MROH1: variants seen among roughly 807,000 people sequenced by gnomAD.
MROH1 encodes the protein maestro heat-like repeat-containing protein family member 1.
Under a neutral mutation model 116.5 loss-of-function variants are expected in MROH1, and 117 were observed. The observed-to-expected ratio is 1.00, with a 90% CI of 0.86 to 1.17. The LOEUF (loss-of-function observed/expected upper bound fraction) is 1.17. MROH1 is among the 50% of genes most tolerant of loss of function. The pLI, the probability that MROH1 is intolerant of heterozygous loss-of-function variation, is 0.00. For missense variants in MROH1, 1,873 were observed against 1,338.5 expected (o/e 1.40, Z -6.23); for synonymous variants, 921 against 583.9 (o/e 1.58, Z -8.32).
At chr8:144,232,117 G>C (rs1588374495) in intron 14 of MROH1, among the ~76,000 whole-genome samples, 2 of 152,220 alleles carry the variant, frequency 1.3e-5, no homozygotes, top group East Asian at 3.9e-4. Context: ...GTAAACTATA[G>C]TCACCCTACT....
intron 7 of MROH1, among the ~76,000 whole-genome samples, chr8:144,185,933 A>G (rs1399496023): frequency 6.6e-6 from 1 of 150,898 alleles, no homozygotes; most frequent in African/African-American, 2.4e-5. Context: ...CGTGGGGACC[A>G]CAAGGGACCA....
intron 14 of MROH1, among the ~76,000 whole-genome samples, chr8:144,228,343 T>C (rs1838201232): frequency 1.3e-5 from 2 of 152,134 alleles, no homozygotes; most frequent in Admixed American, 1.3e-4. Flanking sequence ...GCTAAAAAAA[T>C]TGCTAAGGAT....
chr8:144,170,352 C>T lies in MROH1; in HGVS notation c.168+1912C>T, dbSNP rs1822129523. On this transcript the variant is annotated intron_variant, in intron 4 of 43. Coordinates refer to ENST00000326134, the MANE Select transcript of MROH1 (RefSeq NM_032450.3). ...TTTAAAAAGTCTGCCTTCACAGTTG[C>T]ATATTTACATATTATACACATGCTG... Among the ~76,000 whole-genome samples, 3 of 152,176 alleles carry T rather than the reference C, an allele frequency of 2.0e-5. No homozygotes were observed. In the South Asian group the frequency reaches 6.2e-4, roughly 31 times the overall value.
At chr8:144,244,173 G>C in intron 26 of MROH1, 49 bp from the exon 27 acceptor site, 1 of 712,704 alleles carries the variant, frequency 1.4e-6, no homozygotes, top group Non-Finnish European at 2.6e-6. Flanking sequence ...CTGGGTGTCT[G>C]AGTTTCAGCC....
At position 144,180,151 on chromosome 8, in the gene MROH1, G is replaced by C; in HGVS notation, c.301-27G>C. 6.2e-7 allele frequency: 1 copy of C among 1,612,878 alleles called. No individual in the cohort carries two copies. Among genetic ancestry groups the C allele is most frequent in the Non-Finnish European group, 8.5e-7 (1 of 1,179,172 alleles). Reference sequence around the variant, plus strand: ...CAGAATGTCTTGGTCTTGCCTTTTGGTCTACCTGCCGGTGTTTTGGGTTCA... The same window carrying C: ...CAGAATGTCTTGGTCTTGCCTTTTGCTCTACCTGCCGGTGTTTTGGGTTCA... On this transcript the variant is annotated intron_variant, in intron 5 of 43. Coordinates refer to ENST00000326134, the MANE Select transcript of MROH1 (RefSeq NM_032450.3). This position sits in a 1 kb window ranked among gnomAD's most constrained non-coding sequence, Gnocchi z 7.4.
At chr8:144,244,064 G>C (rs1841467431) in intron 26 of MROH1, 122 bp downstream of exon 26, 1 of 710,758 alleles carries the variant, frequency 1.4e-6, no homozygotes, top group Non-Finnish European at 2.6e-6. Context: ...TTGCGTGTGT[G>C]CACGCCTTGT....
At chr8:144,174,082 A>G (rs1017188416) in intron 4 of MROH1, among the ~76,000 whole-genome samples, 2 of 152,148 alleles carry the variant, frequency 1.3e-5, no homozygotes, top group African/African-American at 4.8e-5. Flanking sequence ...TGAGGAGTGT[A>G]TGCTGATTGG....
At chr8:144,252,979 CAT>C (rs138657169) in intron 33 of MROH1, among the ~76,000 whole-genome samples, 60,557 of 142,406 alleles carry the variant, frequency 0.43, 13,041 homozygotes, top group Non-Finnish European at 0.5. Flanking sequence ...AAATTTATTT[CAT>C]ATATATATAT....
At chr8:144,244,842 G>A (rs1423548350) in intron 28 of MROH1, among the ~76,000 whole-genome samples, 1 of 152,176 alleles carries the variant, frequency 6.6e-6, no homozygotes, top group African/African-American at 2.4e-5. Flanking sequence ...GTGGTGCTAG[G>A]GTGGGGCCGA....
At position 144,244,342 on chromosome 8, in the gene MROH1, C is replaced by T. The variant is rs1841518570; in HGVS notation, c.2670+6C>T. Reference sequence around the variant, plus strand: ...AGGACGGAGGCTGCCAGAAGGTATCCCTGTGTTTCCCTTGCCTGTGTCCAC... The same window carrying T: ...AGGACGGAGGCTGCCAGAAGGTATCTCTGTGTTTCCCTTGCCTGTGTCCAC... On this transcript the variant is annotated splice_donor_region_variant and intron_variant, in intron 27 of 43. Coordinates refer to ENST00000326134, the MANE Select transcript of MROH1 (RefSeq NM_032450.3). 1.4e-6 allele frequency: 1 copy of T among 720,476 alleles called. No homozygotes were observed. The highest frequency in any genetic ancestry group is 2.6e-6 in the Non-Finnish European group (1 of 386,066). 44.6% of individuals were successfully genotyped at this position (720,476 alleles called of 1,614,324 possible).
At chr8:144,183,915 G>A (rs904618085) in intron 7 of MROH1, among the ~76,000 whole-genome samples, 26 of 151,980 alleles carry the variant, frequency 1.7e-4, no homozygotes, top group Admixed American at 1.0e-3. Flanking sequence ...CCAAAGTGCT[G>A]GGATTACAGG....
chr8:144,194,100 T>A (rs2131642210), intron 10 of MROH1, among the ~76,000 whole-genome samples: 1 of 151,338 alleles, frequency 6.6e-6, no homozygotes, highest in East Asian at 2.0e-4. Context: ...TTCGCTCTTG[T>A]TGCCCAGGCT....
chr8:144,254,752 G>C (rs1023806729), intron 33 of MROH1, 61 bp from the exon 34 acceptor site: 491 of 722,742 alleles, frequency 6.8e-4, no homozygotes, highest in Non-Finnish European at 1.0e-3. Context: ...GCACCCAGGT[G>C]GCGGGGGGCA....
At chr8:144,221,238 G>A (rs888406048) in intron 13 of MROH1, among the ~76,000 whole-genome samples, 1 of 152,192 alleles carries the variant, frequency 6.6e-6, no homozygotes, top group African/African-American at 2.4e-5. Flanking sequence ...CTCTGGAGGT[G>A]GAGCTGATGC....
chr8:144,166,646 G>A (rs1820904963), intron 3 of MROH1, among the ~76,000 whole-genome samples: 1 of 152,122 alleles, frequency 6.6e-6, no homozygotes, highest in Non-Finnish European at 1.5e-5. Flanking sequence ...GCCCGGAATG[G>A]CACTGGGGTG....
intron 12 of MROH1, 171 bp downstream of exon 12, chr8:144,200,712 G>A (rs1226004664): frequency 1.6e-6 from 1 of 609,498 alleles, no homozygotes; most frequent in African/African-American, 1.8e-5. Flanking sequence ...AAGTTGCAAG[G>A]GTGGTACCTT....
At chr8:144,198,101 G>A (rs1349789727) in intron 10 of MROH1, among the ~76,000 whole-genome samples, 7 of 151,690 alleles carry the variant, frequency 4.6e-5, no homozygotes, top group Admixed American at 2.0e-4. Flanking sequence ...ACCTGGGAAC[G>A]TAGAGCCGAG....
chr8:144,213,238 C>T (rs773975006), intron 12 of MROH1: 21 of 628,880 alleles, frequency 3.3e-5, no homozygotes, highest in Non-Finnish European at 6.1e-5. Context: ...CTCTGCCACT[C>T]TTGTTGTCCA....
intron 14 of MROH1, among the ~76,000 whole-genome samples, chr8:144,226,948 A>G (rs1459184100): frequency 6.6e-6 from 1 of 152,204 alleles, no homozygotes; most frequent in Non-Finnish European, 1.5e-5. Context: ...GTTCACCAGT[A>G]TTTTGTAATT....
Sources: gnomAD v4.1 joint callset for allele counts (sites outside exome capture counted in the v4.1 genomes callset) on GRCh38, gnomAD v4.1.1 for gene constraint, Gnocchi (gnomAD v3.1) non-coding constraint, MANE v1.5 for transcripts, NCBI Gene and HGNC (gene_info 2026-07-23, HGNC 2026-07-21) for gene names.